The following THOC5 variants were observed in gnomAD, a reference collection of about 807,000 sequenced individuals.
THOC5 encodes THO complex subunit 5.
THOC5 carries 43 observed loss-of-function variants against 92.9 expected under a neutral mutation model. The ratio of observed to expected loss-of-function variants is 0.46; its 90% CI spans 0.36 to 0.60. THOC5 has a LOEUF of 0.60. Ranked by LOEUF, THOC5 falls within the 20% of genes least tolerant of loss-of-function variation. The probability of loss-of-function intolerance (pLI) is 0.00; values close to 1 mark genes in which losing one functional copy is unlikely to be tolerated. For missense variants in THOC5, 659 were observed against 849.4 expected, an observed-to-expected ratio of 0.78 and a Z score of 2.79; for synonymous variants, 296 against 320.1, an observed-to-expected ratio of 0.92 and a Z score of 0.80.
At chr22:29,520,233 C>G in intron 13 of THOC5, 129 bp from the exon 14 acceptor site, 1 of 696,484 alleles carries the variant, frequency 1.4e-6, no homozygotes, top group Non-Finnish European at 2.4e-6. Context: ...TGTTCACAGC[C>G]AGGCTGCTGG....
At chr22:29,543,275 G>A (rs1452286357) in intron 4 of THOC5, 154 bp downstream of exon 4, 1 of 597,494 alleles carries the variant, frequency 1.7e-6, no homozygotes, top group Non-Finnish European at 2.9e-6. Context: ...TTGAAGCTGG[G>A]AGGCAGAGGA....
chr22:29,516,623 G>A (rs1436004001), intron 17 of THOC5, among the ~76,000 whole-genome samples: 1 of 152,266 alleles, frequency 6.6e-6, no homozygotes, highest in Non-Finnish European at 1.5e-5. Context: ...CTGCAGAAGA[G>A]GGAGCGAGGC....
rs2063607394 is a variant in THOC5, at chr22:29,529,301, T to A, written c.848-62A>T. 1.9e-6 allele frequency: 3 copies of A among 1,559,582 alleles called. No individual in the cohort carries two copies. The Admixed American group carries it at 5.0e-5, about 26-fold the overall frequency. On this transcript the variant is annotated intron_variant, in intron 8 of 19. Coordinates refer to ENST00000490103, the MANE Select transcript of THOC5 (RefSeq NM_003678.5). The stretch of plus-strand genomic sequence containing the variant: ...GAGGAAAGCTGCTAAGCAGTGTGAG[T>A]AGGCCAGCTCTGGGGCTGCATTTCT...
chr22:29,524,620 A>T (rs530840889), intron 12 of THOC5, among the ~76,000 whole-genome samples: 2 of 152,326 alleles, frequency 1.3e-5, no homozygotes, highest in South Asian at 4.1e-4. Flanking sequence ...CTGGGTGCTC[A>T]GAAGCAAGCC....
At chr22:29,509,779 G>A (rs2063189939) in intron 19 of THOC5, among the ~76,000 whole-genome samples, 1 of 129,542 alleles carries the variant, frequency 7.7e-6, no homozygotes, top group Non-Finnish European at 1.6e-5. Flanking sequence ...TGAGGGAGAG[G>A]TAAGGCACTG....
At chr22:29,543,240 T>C (rs2063936242) in intron 4 of THOC5, among the ~76,000 whole-genome samples, 189 bp downstream of exon 4, 1 of 148,788 alleles carries the variant, frequency 6.7e-6, no homozygotes, top group Non-Finnish European at 1.5e-5. Flanking sequence ...CCCAGCTACT[T>C]AGGAGGCTGA....
rs986533865 is a variant in THOC5 at position 29,528,187 on chromosome 22, G to A, written c.967-10C>T. The A allele has an allele frequency of 1.2e-6, 2 of 1,613,914 alleles. No homozygotes were observed. Among genetic ancestry groups the A allele is most frequent in the African/African-American group, 1.3e-5 (1 of 74,944 alleles). ...TGGGTCTCCGGCGCTTCTGGACAAA[G>A]GAAAGTGCCAAGCTGATGAGCATCA... On this transcript the variant is annotated splice_polypyrimidine_tract_variant and intron_variant, in intron 10 of 19. Transcript: ENST00000490103.
At chr22:29,531,570 T>A (rs1601423922) in intron 8 of THOC5, 2 of 1,193,582 alleles carry the variant, frequency 1.7e-6, no homozygotes, top group South Asian at 6.5e-5. Flanking sequence ...GCTGCCTGGG[T>A]TCTGCACCCA....
chr22:29,527,627 C>T (rs2063569681), intron 11 of THOC5, among the ~76,000 whole-genome samples: 2 of 152,056 alleles, frequency 1.3e-5, no homozygotes, highest in Non-Finnish European at 1.5e-5. Flanking sequence ...TATATAGGAA[C>T]CTGTGGTGAG....
At chr22:29,529,365 G>A (rs1005891926) in intron 8 of THOC5, 126 bp from the exon 9 acceptor site, 1 of 933,784 alleles carries the variant, frequency 1.1e-6, no homozygotes, top group East Asian at 2.5e-5. Flanking sequence ...AAGGGTGGAA[G>A]GGCAAAAGTC....
chr22:29,508,652 C>T (rs1284562839), intron 19 of THOC5, 132 bp from the exon 20 acceptor site: 10 of 803,864 alleles, frequency 1.2e-5, no homozygotes, highest in East Asian at 2.7e-5. Flanking sequence ...GAAAAGCATA[C>T]GGCAGAACAA....
chr22:29,535,656 T>G (rs2063745654), intron 7 of THOC5: 1 of 152,228 alleles, frequency 6.6e-6, no homozygotes, highest in African/African-American at 2.4e-5. Flanking sequence ...AAGAATTTAT[T>G]TAACCTGTAC....
chr22:29,551,713 T>C (rs1309000505), intron 1 of THOC5, among the ~76,000 whole-genome samples: 2 of 152,012 alleles, frequency 1.3e-5, no homozygotes, highest in African/African-American at 4.8e-5. Context: ...ATCGCGCCAC[T>C]GCACTCAGTC....
Position 29,508,487 on chromosome 22 carries a change from G to C in THOC5, c.2022C>G (p.Asn674Lys), listed in dbSNP as rs1335369277. The change falls in exon 20 of 20, where the codon AAC becomes AAG. Residue 674 changes from asparagine (N) to lysine (K), a missense_variant. Transcript: ENST00000490103. ...GATGGCTGAAGAATCCCTGAGGATG[G>C]TTGTATTTAAATGGCTTCATCCTGC... ...GPSRMKPFKYNHPQGFFSHR is the reference protein window; with the variant it reads ...GPSRMKPFKYKHPQGFFSHR 1 of 1,614,074 alleles carries C rather than the reference G, an allele frequency of 6.2e-7. No individual in the cohort carries two copies. Among genetic ancestry groups the C allele is most frequent in the East Asian group, 2.2e-5 (1 of 44,892 alleles).
intron 7 of THOC5, chr22:29,535,445 T>C (rs1425178573): frequency 6.6e-6 from 1 of 152,096 alleles, no homozygotes; most frequent in Non-Finnish European, 1.5e-5. Flanking sequence ...ATACCGCATA[T>C]ACCCAACTCC....
intron 3 of THOC5, 71 bp from the exon 4 acceptor site, chr22:29,543,613 T>C: frequency 1.7e-6 from 2 of 1,178,752 alleles, no homozygotes; most frequent in Non-Finnish European, 2.5e-6. Context: ...CCTTCACCAC[T>C]GACCCATCCT....
At chr22:29,544,427 C>T (rs756614903) in intron 3 of THOC5, 33 bp downstream of exon 3, 1 of 1,603,924 alleles carries the variant, frequency 6.2e-7, no homozygotes, top group Non-Finnish European at 8.5e-7. Flanking sequence ...TGTAAACCCA[C>T]CAGGTTCACG....
chr22:29,508,593 C>A, intron 19 of THOC5, 73 bp from the exon 20 acceptor site: 2 of 1,364,500 alleles, frequency 1.5e-6, no homozygotes, highest in Admixed American at 1.8e-5. Flanking sequence ...GGTTCATTCA[C>A]ACAAGGGAAA....
Position 29,531,838 on chromosome 22 carries a change from C to T in THOC5, c.840G>A (p.Gln280=). Residue 280 remains glutamine, a synonymous_variant, in exon 8 of 20, where the codon CAG becomes CAA. Transcript: ENST00000490103. ...VLFVQATAYG[Q]ACDKTLSVAI... ...CCCAGGCCCCATACTCACCACAGGCCTGCCCATACGCAGTGGCCTGAACAA... is the reference window on the plus strand; with the variant it reads ...CCCAGGCCCCATACTCACCACAGGCTTGCCCATACGCAGTGGCCTGAACAA... 1 of 1,614,084 alleles carries T rather than the reference C, an allele frequency of 6.2e-7. No homozygotes were observed. Among genetic ancestry groups the T allele is most frequent in the South Asian group, 1.1e-5 (1 of 91,078 alleles).
Sources: allele counts gnomAD v4.1 joint callset (sites outside exome capture counted in the v4.1 genomes callset), GRCh38; gene constraint gnomAD v4.1.1; transcripts MANE v1.5; gene names NCBI Gene and HGNC (gene_info 2026-07-23, HGNC 2026-07-21).